Variants in DOCK3 observed in about 807,000 individuals in gnomAD.
DOCK3 encodes the protein dedicator of cytokinesis 3.
In DOCK3, 60 loss-of-function variants were observed where a neutral mutation model predicts 265.6. The ratio of observed to expected loss-of-function variants is 0.23; its 90% CI spans 0.18 to 0.28. DOCK3 has a LOEUF of 0.28. DOCK3 is among the 10% of genes least tolerant of loss of function. The probability of loss-of-function intolerance (pLI) is 1.00; values close to 1 mark genes in which losing one functional copy is unlikely to be tolerated. For missense variants in DOCK3, 1,981 were observed against 2,594.3 expected (o/e 0.76, Z 5.14); for synonymous variants, 881 against 938.0 (o/e 0.94, Z 1.11).
At chr3:50,725,923 A>C (rs1576246620) in intron 1 of DOCK3, among the ~76,000 whole-genome samples, 1 of 152,186 alleles carries the variant, frequency 6.6e-6, no homozygotes, top group Non-Finnish European at 1.5e-5. Context: ...AATTGTGAAA[A>C]GAGAACAAAA....
chr3:50,935,272 C>T (rs2051293579), intron 5 of DOCK3, among the ~76,000 whole-genome samples: 1 of 152,182 alleles, frequency 6.6e-6, no homozygotes, highest in African/African-American at 2.4e-5. Flanking sequence ...CCCTAACAGG[C>T]ATTTCAGCAG....
chr3:51,190,882 A>G (rs2087899142), intron 12 of DOCK3, among the ~76,000 whole-genome samples: 2 of 152,088 alleles, frequency 1.3e-5, no homozygotes, highest in South Asian at 2.1e-4. Flanking sequence ...GATCACAGAG[A>G]TCTCTGTGGA....
chr3:51,194,555 A>G (rs1414615920), intron 12 of DOCK3, among the ~76,000 whole-genome samples: 1 of 152,106 alleles, frequency 6.6e-6, no homozygotes, highest in Non-Finnish European at 1.5e-5. Context: ...TTTAGCTTTA[A>G]TGATATTTTC....
At chr3:50,680,215 CTT>C (rs771036444) in intron 1 of DOCK3, among the ~76,000 whole-genome samples, 14 of 136,140 alleles carry the variant, frequency 1.0e-4, no homozygotes, top group Admixed American at 2.2e-4. Flanking sequence ...CTTTTTCTTT[CTT>C]TTTTTTTTTT....
At chr3:50,776,488 C>T (rs2108503601) in intron 1 of DOCK3, among the ~76,000 whole-genome samples, 1 of 151,448 alleles carries the variant, frequency 6.6e-6, no homozygotes, top group Non-Finnish European at 1.5e-5. Flanking sequence ...AGTTTTTTGT[C>T]AGCTGCATAG....
chr3:50,765,714 A>T (rs1395242505), intron 1 of DOCK3, among the ~76,000 whole-genome samples: 1 of 152,232 alleles, frequency 6.6e-6, no homozygotes, highest in Admixed American at 6.5e-5. Context: ...TGATCAAATC[A>T]GGGCAGTTAG....
chr3:51,109,745 C>G (rs549081324), intron 9 of DOCK3, among the ~76,000 whole-genome samples: 1 of 152,072 alleles, frequency 6.6e-6, no homozygotes, highest in East Asian at 1.9e-4. Context: ...CCAGCTTAGG[C>G]AACATGGCAA....
intron 1 of DOCK3, among the ~76,000 whole-genome samples, chr3:50,754,786 T>A (rs2040055897): frequency 6.6e-6 from 1 of 152,112 alleles, no homozygotes; most frequent in Non-Finnish European, 1.5e-5. Context: ...CTCGAACTCC[T>A]GACCTCAGGT....
At chr3:51,229,489 C>A in intron 18 of DOCK3, 23 bp from the exon 19 acceptor site, 1 of 1,532,044 alleles carries the variant, frequency 6.5e-7, no homozygotes, top group Non-Finnish European at 8.8e-7. Context: ...AAGGGTTCCT[C>A]ATCTTTTGGG....
chr3:51,142,909 G>A (rs2085127159), intron 9 of DOCK3, among the ~76,000 whole-genome samples: 2 of 150,940 alleles, frequency 1.3e-5, no homozygotes, highest in South Asian at 2.1e-4. Flanking sequence ...TTTTTGAGAC[G>A]GAGTTTCTCT....
chr3:50,777,855 T>C (rs2041694703), intron 1 of DOCK3, among the ~76,000 whole-genome samples: 1 of 152,182 alleles, frequency 6.6e-6, no homozygotes, highest in Non-Finnish European at 1.5e-5. Context: ...ATATCATTGA[T>C]GAATAGTGAC....
At chr3:51,178,899 A>G (rs909381344) in intron 12 of DOCK3, among the ~76,000 whole-genome samples, 3 of 152,216 alleles carry the variant, frequency 2.0e-5, no homozygotes, top group Admixed American at 6.5e-5. Context: ...AGCACTCACC[A>G]TGGGCTGTTA....
Position 50,832,187 on chromosome 3 carries a change from T to G in DOCK3, c.122-9488T>G, listed in dbSNP as rs568557165. Among the ~76,000 whole-genome samples the G allele has an allele frequency of 1.1e-4, 17 of 152,262 alleles. No individual in the cohort carries two copies. In the South Asian group the frequency reaches 1.2e-3, roughly 11 times the overall value. On this transcript the variant is annotated intron_variant, in intron 2 of 52. Transcript: ENST00000266037. ...CAGAAAGTAGAAACTGGACCCCTTC[T>G]TTACACCTTATACAAAAATTAGCTC...
chr3:50,712,637 C>T (rs1361568647), intron 1 of DOCK3, among the ~76,000 whole-genome samples: 5 of 152,288 alleles, frequency 3.3e-5, no homozygotes, highest in Admixed American at 2.6e-4. Flanking sequence ...CATGTCCGGC[C>T]GCCTCTTGTA....
intron 9 of DOCK3, among the ~76,000 whole-genome samples, chr3:51,136,123 A>G (rs1355071127): frequency 6.6e-6 from 1 of 151,952 alleles, no homozygotes; most frequent in Non-Finnish European, 1.5e-5. Context: ...CTTCATCTCT[A>G]ATTACCCCTT....
intron 1 of DOCK3, among the ~76,000 whole-genome samples, chr3:50,707,359 C>T (rs1160236996): frequency 6.6e-6 from 1 of 151,698 alleles, no homozygotes; most frequent in African/African-American, 2.4e-5. Flanking sequence ...ATCACTTGGA[C>T]CCAGAAAGTG....
At chr3:51,255,028 T>C (rs1373196385) in intron 22 of DOCK3, among the ~76,000 whole-genome samples, 2 of 152,232 alleles carry the variant, frequency 1.3e-5, no homozygotes, top group Non-Finnish European at 1.5e-5. Flanking sequence ...CTATGTTTAG[T>C]GCTTCCTTCA....
chr3:50,801,567 T>G (rs997786404), intron 2 of DOCK3, among the ~76,000 whole-genome samples: 1 of 152,212 alleles, frequency 6.6e-6, no homozygotes, highest in African/African-American at 2.4e-5. Flanking sequence ...AATTTAGAAC[T>G]CATATCTAAC....
intron 23 of DOCK3, among the ~76,000 whole-genome samples, chr3:51,263,759 T>G (rs1029665002): frequency 1.1e-4 from 16 of 152,146 alleles, no homozygotes; most frequent in Admixed American, 3.3e-4. Context: ...AAAAAAAGCA[T>G]GGGTTGCAAT....
Sources: allele counts gnomAD v4.1 joint callset (sites outside exome capture counted in the v4.1 genomes callset), GRCh38; gene constraint gnomAD v4.1.1; transcripts MANE v1.5; gene names NCBI Gene and HGNC (gene_info 2026-07-23, HGNC 2026-07-21).